The following SLC37A1 variants were observed in gnomAD, a reference collection of about 807,000 sequenced individuals.
The protein encoded by SLC37A1 is solute carrier family 37 member 1, also known as glucose-6-phosphate exchanger SLC37A1.
A neutral mutation model predicts 75.3 loss-of-function variants in SLC37A1; 49 were observed. The ratio of observed to expected loss-of-function variants is 0.65; its 90% CI spans 0.52 to 0.83. The LOEUF (loss-of-function observed/expected upper bound fraction) is 0.83, where lower values mean the gene tolerates loss of function less well. SLC37A1 is among the 40% of genes least tolerant of loss of function. The probability of loss-of-function intolerance (pLI) is 0.00; values close to 1 mark genes in which losing one functional copy is unlikely to be tolerated. For synonymous variants in SLC37A1, 268 were observed against 292.1 expected (o/e 0.92, Z 0.84); for missense variants, 566 against 695.0 (o/e 0.81, Z 2.09).
chr21:42,565,965 A>T, intron 15 of SLC37A1, 90 bp downstream of exon 15: 1 of 1,362,296 alleles, frequency 7.3e-7, no homozygotes, highest in Non-Finnish European at 1.0e-6. Context: ...CAACAGGCGC[A>T]TTGAGCTGGT....
chr21:42,579,731 T>C lies in SLC37A1; in HGVS notation c.1522-5T>C. The stretch of plus-strand genomic sequence containing the variant: ...ACAGGTGGGCTCACCTTTGTTTTGG[T>C]GCAGTTCCTGATCCGCCTCATACAC... On this transcript the variant is annotated splice_region_variant and splice_polypyrimidine_tract_variant and intron_variant, in intron 18 of 19. Coordinates refer to ENST00000352133, the MANE Select transcript of SLC37A1 (RefSeq NM_001320537.2). The C allele has an allele frequency of 6.2e-7, 1 of 1,614,116 alleles. No homozygotes were observed. Among genetic ancestry groups the C allele is most frequent in the Non-Finnish European group, 8.5e-7 (1 of 1,180,022 alleles).
chr21:42,551,083 G>T (rs1381240899), intron 9 of SLC37A1, among the ~76,000 whole-genome samples: 1 of 152,180 alleles, frequency 6.6e-6, no homozygotes, highest in African/African-American at 2.4e-5. Flanking sequence ...GGCAAGAAAA[G>T]GATATAAACG....
chr21:42,580,167 T>A, intron 19 of SLC37A1, among the ~76,000 whole-genome samples, 178 bp from the exon 20 acceptor site: 1 of 151,812 alleles, frequency 6.6e-6, no homozygotes, highest in East Asian at 2.0e-4. Context: ...CCCAGAAGGC[T>A]GCGGGAAAGG....
Position 42,547,134 on chromosome 21 carries a change from G to A in SLC37A1, c.762G>A (p.Leu254=), listed in dbSNP as rs773379204. 6.2e-7 allele frequency: 1 copy of A among 1,614,034 alleles called. No homozygotes were observed. Among genetic ancestry groups the A allele is most frequent in the African/African-American group, 1.3e-5 (1 of 74,904 alleles). Residue 254 remains leucine (L), a synonymous_variant, in exon 9 of 20, where the codon CTG becomes CTA. Transcript: ENST00000352133. This position sits in a 1 kb window ranked among gnomAD's most constrained non-coding sequence, Gnocchi z 6.1. ...HPNDVRCSST[L]VTHSKGYENG... is the part of the protein sequence containing the mutation. The stretch of plus-strand genomic sequence containing the variant: ...ACGACGTCAGGTGCTCCTCCACCCT[G>A]GTGACGGTAAGGACCCTGTTTTCTT...
rs774120651 is a variant in SLC37A1, at chr21:42,562,067, C to G, written c.982-11C>G. The G allele has an allele frequency of 4.3e-6, 7 of 1,612,354 alleles. No homozygotes were observed. The highest frequency in any genetic ancestry group is 3.3e-4 in the Middle Eastern group (2 of 6,074). Reference sequence around the variant, plus strand: ...CATTTGGAGGAGACGCCTGACTGCTCTCTCTTTCAGGGCGTGATAGAGTTC... The same window carrying G: ...CATTTGGAGGAGACGCCTGACTGCTGTCTCTTTCAGGGCGTGATAGAGTTC... On this transcript the variant is annotated splice_polypyrimidine_tract_variant and intron_variant, in intron 11 of 19. Coordinates refer to ENST00000352133, the MANE Select transcript of SLC37A1 (RefSeq NM_001320537.2).
chr21:42,543,328 T>C, intron 7 of SLC37A1, 108 bp from the exon 8 acceptor site: 1 of 1,300,530 alleles, frequency 7.7e-7, no homozygotes, highest in Non-Finnish European at 1.1e-6. Context: ...GGCCCCCCGT[T>C]GATTCTGCGC....
rs1324741976 is a variant in SLC37A1 at position 42,553,360 on chromosome 21, T to C, written c.769-702T>C. Among the ~76,000 whole-genome samples the C allele has an allele frequency of 2.0e-5, 3 of 152,348 alleles. No individual in the cohort carries two copies. The East Asian group carries it at 5.8e-4, about 29-fold the overall frequency. ...TTTTAAAGGAAGTTTGTTTGGACTA[T>C]TTCATCAACAAACAACAACATTTTA... On this transcript the variant is annotated intron_variant, in intron 9 of 19. Transcript: ENST00000352133.
rs112217005 is a variant in SLC37A1 at position 42,570,239 on chromosome 21, T to C, written c.1423+1801T>C. ...GCAGGGTGGCCGTTGCCATGTCATG[T>C]GACACACGGCCTGGTTCTGAGAAGC... On this transcript the variant is annotated intron_variant, in intron 17 of 19. Coordinates refer to ENST00000352133, the MANE Select transcript of SLC37A1 (RefSeq NM_001320537.2). Among the ~76,000 whole-genome samples, 585 of 68,046 alleles carry C rather than the reference T, an allele frequency of 8.6e-3. 113 individuals are homozygous for C. Among genetic ancestry groups the C allele is most frequent in the South Asian group, 0.039 (87 of 2,226 alleles). The allele number at this position is 68,046 out of a possible 152,430, so 44.6% of individuals were successfully genotyped here. A position where few individuals can be genotyped will look rare whatever the true frequency, so the allele number is the denominator to read the frequency against.
intron 8 of SLC37A1, among the ~76,000 whole-genome samples, chr21:42,546,004 A>G (rs1337329767): frequency 6.6e-6 from 1 of 152,202 alleles, no homozygotes; most frequent in Non-Finnish European, 1.5e-5. Context: ...CGGCAGCTGC[A>G]TGTCCCTCTA....
intron 2 of SLC37A1, among the ~76,000 whole-genome samples, chr21:42,521,184 G>A (rs2054639437): frequency 6.6e-6 from 1 of 152,196 alleles, no homozygotes; most frequent in African/African-American, 2.4e-5. Flanking sequence ...TCATTACTTA[G>A]AGGGAAACGT....
At chr21:42,554,268 T>G in intron 10 of SLC37A1, 126 bp downstream of exon 10, 1 of 788,158 alleles carries the variant, frequency 1.3e-6, no homozygotes, top group Non-Finnish European at 2.0e-6. Context: ...CTTAAAAAAA[T>G]TCTGTCTCAT....
At chr21:42,541,101 C>T (rs1324472551) in intron 6 of SLC37A1, among the ~76,000 whole-genome samples, 4 of 152,098 alleles carry the variant, frequency 2.6e-5, no homozygotes, top group African/African-American at 4.8e-5. Flanking sequence ...TGTTCCCCCT[C>T]AGGTCATCAG....
At chr21:42,530,639 C>A (rs2054931168) in intron 3 of SLC37A1, among the ~76,000 whole-genome samples, 1 of 32,560 alleles carries the variant, frequency 3.1e-5, no homozygotes, top group Non-Finnish European at 6.6e-5. Context: ...CACACACACA[C>A]ACACACACAC....
intron 6 of SLC37A1, among the ~76,000 whole-genome samples, chr21:42,540,502 G>T (rs1044096526): frequency 2.6e-5 from 4 of 151,644 alleles, no homozygotes; most frequent in African/African-American, 9.8e-5. Flanking sequence ...GCAGCAGGAG[G>T]GGGTGTGAGG....
rs768263059 is a variant in SLC37A1 at position 42,568,419 on chromosome 21, T to A, written c.1404T>A (p.Ile468=). 1 of 1,614,082 alleles carries A rather than the reference T, an allele frequency of 6.2e-7. No individual in the cohort carries two copies. Among genetic ancestry groups the A allele is most frequent in the South Asian group, 1.1e-5 (1 of 91,040 alleles). Reference sequence around the variant, plus strand: ...CCCTCTCCACCGTGACGGCCATCATTGACGGGACGGGCTCTGTAGGTGCGC... The same window carrying A: ...CCCTCTCCACCGTGACGGCCATCATAGACGGGACGGGCTCTGTAGGTGCGC... The part of the protein sequence containing the change: ...AHALSTVTAI[I]DGTGSVGAAL... Residue 468 remains isoleucine (I), a synonymous_variant, in exon 17 of 20, where the codon ATT becomes ATA. Coordinates refer to ENST00000352133, the MANE Select transcript of SLC37A1 (RefSeq NM_001320537.2).
At chr21:42,575,099 G>A in intron 18 of SLC37A1, 184 bp downstream of exon 18, 1 of 985,446 alleles carries the variant, frequency 1.0e-6, no homozygotes, top group South Asian at 4.7e-5. Flanking sequence ...GTCAGAAACA[G>A]AAGCAGGACA....
At position 42,581,322 on chromosome 21, in the gene SLC37A1, GTTATTTA is replaced by G. The variant is rs1312443590; in HGVS notation, c.*966_*972del. On this transcript the variant is annotated 3_prime_UTR_variant, in exon 20 of 20. Coordinates refer to ENST00000352133, the MANE Select transcript of SLC37A1 (RefSeq NM_001320537.2). ...GTTTAAGAGACATAAATGGCATTTTGTTATTTATTAAGACAAACTCCAATTGTTCTCT... is the reference window on the plus strand; with the variant it reads ...GTTTAAGAGACATAAATGGCATTTTGTTAAGACAAACTCCAATTGTTCTCT... 1.3e-5 allele frequency: 2 copies of G among 152,624 alleles called. No individual in the cohort carries two copies. Among genetic ancestry groups the G allele is most frequent in the Admixed American group, 6.5e-5 (1 of 15,282 alleles). The allele number at this position is 152,624 out of a possible 1,614,324, so 9.5% of individuals were successfully genotyped here.
intron 12 of SLC37A1, 36 bp downstream of exon 12, chr21:42,562,204 C>T (rs1334692599): frequency 6.4e-6 from 10 of 1,574,288 alleles, no homozygotes; most frequent in Admixed American, 1.7e-5. Context: ...AAATTCCGCA[C>T]AGTGACTGGG....
Position 42,580,755 on chromosome 21 carries a change from C to A in SLC37A1, c.*395C>A, listed in dbSNP as rs970840655. 1 of 253,352 alleles carries A rather than the reference C, an allele frequency of 3.9e-6. No individual in the cohort carries two copies. Among genetic ancestry groups the A allele is most frequent in the South Asian group, 5.7e-5 (1 of 17,508 alleles). The allele number at this position is 253,352 out of a possible 1,614,324, so 15.7% of individuals were successfully genotyped here. A position where few individuals can be genotyped will look rare whatever the true frequency, so the allele number is the denominator to read the frequency against. Reference sequence around the variant, plus strand: ...AGAACATCAAAGTGAGCGAGTACTGCGCTGGCTGTGGCTTCAGAGAACCTG... The same window carrying A: ...AGAACATCAAAGTGAGCGAGTACTGAGCTGGCTGTGGCTTCAGAGAACCTG... On this transcript the variant is annotated 3_prime_UTR_variant, in exon 20 of 20. Coordinates refer to ENST00000352133, the MANE Select transcript of SLC37A1 (RefSeq NM_001320537.2).
Sources: allele counts gnomAD v4.1 joint callset (sites outside exome capture counted in the v4.1 genomes callset), GRCh38; gene constraint gnomAD v4.1.1; non-coding constraint Gnocchi (gnomAD v3.1); transcripts MANE v1.5; gene names NCBI Gene and HGNC (gene_info 2026-07-23, HGNC 2026-07-21).